PTPRT: variants seen among roughly 807,000 people sequenced by gnomAD.
PTPRT encodes the protein protein tyrosine phosphatase receptor type T.
PTPRT carries 56 observed loss-of-function variants against 176.8 expected under a neutral mutation model. The observed-to-expected ratio is 0.32, with a 90% CI of 0.26 to 0.40. The LOEUF is 0.40. Among genes scored for constraint, PTPRT ranks in the 10% least tolerant of loss-of-function variants. The pLI is 1.00. For missense variants in PTPRT, 1,540 were observed against 1,908.2 expected, an observed-to-expected ratio of 0.81 and a Z score of 3.60; for synonymous variants, 783 against 739.0, an observed-to-expected ratio of 1.06 and a Z score of -0.96.
intron 2 of PTPRT, among the ~76,000 whole-genome samples, chr20:42,875,194 T>C (rs2078910521): frequency 6.6e-6 from 1 of 152,250 alleles, no homozygotes; most frequent in Admixed American, 6.5e-5. Context: ...TTTTCCCATT[T>C]ATCTGGCAGC....
intron 7 of PTPRT, among the ~76,000 whole-genome samples, chr20:42,609,161 C>G (rs2073932216): frequency 6.6e-6 from 1 of 152,134 alleles, no homozygotes; most frequent in Admixed American, 6.5e-5. Context: ...GCAACCTCCA[C>G]CTCCTGGGTT....
intron 1 of PTPRT, among the ~76,000 whole-genome samples, chr20:42,899,476 C>G (rs771442063): frequency 1.9e-4 from 29 of 152,334 alleles, no homozygotes; most frequent in Non-Finnish European, 3.8e-4. Context: ...TGGGCATCTT[C>G]CACATCAAAA....
At chr20:42,351,862 T>C (rs1031272563) in intron 10 of PTPRT, among the ~76,000 whole-genome samples, 2 of 152,246 alleles carry the variant, frequency 1.3e-5, no homozygotes, top group Non-Finnish European at 2.9e-5. Context: ...GGGAAAATTA[T>C]TTAGTGGCTT....
At chr20:43,005,915 C>T (rs1349132329) in intron 1 of PTPRT, among the ~76,000 whole-genome samples, 5 of 152,108 alleles carry the variant, frequency 3.3e-5, no homozygotes, top group Admixed American at 3.3e-4. Flanking sequence ...CCAGACACAA[C>T]CTACAAGCCC....
At chr20:42,873,609 T>G (rs1426992956) in intron 2 of PTPRT, among the ~76,000 whole-genome samples, 5 of 152,248 alleles carry the variant, frequency 3.3e-5, no homozygotes, top group Non-Finnish European at 2.9e-5. Context: ...TCTAACCCAA[T>G]ACATCTAAAA....
intron 7 of PTPRT, among the ~76,000 whole-genome samples, chr20:42,473,682 C>T (rs925044245): frequency 6.6e-6 from 1 of 152,006 alleles, no homozygotes; most frequent in Non-Finnish European, 1.5e-5. Context: ...TCTATGTTGC[C>T]CAGGCTGGTC....
In PTPRT at chr20:42,475,461, G is replaced by T. The variant is rs115671804; in HGVS notation, c.1154-2899C>A. 5.4e-3 allele frequency among the ~76,000 whole-genome samples: 824 copies of T among 152,348 alleles called. 6 individuals are homozygous for T. Among genetic ancestry groups the T allele is most frequent in the African/African-American group, 0.018 (729 of 41,588 alleles). On this transcript the variant is annotated intron_variant, in intron 7 of 30. Coordinates refer to ENST00000373187, the MANE Select transcript of PTPRT (RefSeq NM_007050.6). Reference sequence around the variant, plus strand: ...AAAATAATTGGCCTAAAGCCACAGAGTGAGAGGCACAGCCAAGATATGAGG... The same window carrying T: ...AAAATAATTGGCCTAAAGCCACAGATTGAGAGGCACAGCCAAGATATGAGG...
intron 27 of PTPRT, 134 bp from the exon 28 acceptor site, chr20:42,085,987 G>T (rs772265544): frequency 1.7e-5 from 19 of 1,139,206 alleles, no homozygotes; most frequent in Non-Finnish European, 2.1e-5. Flanking sequence ...CACTCTTGTT[G>T]CCCAGCCTGG....
intron 16 of PTPRT, among the ~76,000 whole-genome samples, chr20:42,176,993 G>T (rs1029591273): frequency 3.3e-5 from 5 of 152,236 alleles, no homozygotes; most frequent in African/African-American, 1.2e-4. Context: ...ACAATGGAAA[G>T]AACACAGTTT....
chr20:42,761,505 G>GA (rs2076915747), intron 5 of PTPRT, among the ~76,000 whole-genome samples: 1 of 152,102 alleles, frequency 6.6e-6, no homozygotes, highest in Non-Finnish European at 1.5e-5. Context: ...CAGACCTAAT[G>GA]AATCAGGAAC....
chr20:42,702,236 T>C (rs926481), intron 6 of PTPRT, among the ~76,000 whole-genome samples: 16,051 of 152,218 alleles, frequency 0.11, 937 homozygotes, highest in Admixed American at 0.13. Context: ...TGTATCATGA[T>C]GGGCCTATTC....
chr20:43,004,004 G>C (rs1984724334), intron 1 of PTPRT, among the ~76,000 whole-genome samples: 1 of 152,258 alleles, frequency 6.6e-6, no homozygotes, highest in South Asian at 2.1e-4. Flanking sequence ...AATTTATTAA[G>C]AGAAAAGAAG....
intron 3 of PTPRT, among the ~76,000 whole-genome samples, chr20:42,781,614 C>T (rs1468831096): frequency 6.6e-6 from 1 of 152,154 alleles, no homozygotes; most frequent in Non-Finnish European, 1.5e-5. Flanking sequence ...AACTACCCTT[C>T]AGCAGCAGGT....
At chr20:43,059,114 G>C (rs145597849) in intron 1 of PTPRT, among the ~76,000 whole-genome samples, 1 of 152,216 alleles carries the variant, frequency 6.6e-6, no homozygotes, top group Admixed American at 6.5e-5. Flanking sequence ...GACGATCTCA[G>C]AATCAACTTT....
intron 5 of PTPRT, among the ~76,000 whole-genome samples, chr20:42,756,917 G>T (rs1436330343): frequency 6.6e-5 from 10 of 152,006 alleles, no homozygotes; most frequent in Non-Finnish European, 1.5e-4. Flanking sequence ...CAGGCATGGT[G>T]GCACTCATCT....
chr20:42,555,632 C>T (rs2145630441), intron 7 of PTPRT, among the ~76,000 whole-genome samples: 1 of 152,282 alleles, frequency 6.6e-6, no homozygotes, highest in South Asian at 2.1e-4. Context: ...TATAGTCCTT[C>T]CCCGCTGGCT....
chr20:42,920,098 G>C (rs1308227916), intron 1 of PTPRT, among the ~76,000 whole-genome samples: 4 of 152,190 alleles, frequency 2.6e-5, no homozygotes, highest in Non-Finnish European at 4.4e-5. Flanking sequence ...AAGCTCTTTG[G>C]CTGTCCCTAT....
intron 1 of PTPRT, among the ~76,000 whole-genome samples, chr20:43,165,270 T>C (rs1360437339): frequency 6.6e-6 from 1 of 152,012 alleles, no homozygotes; most frequent in African/African-American, 2.4e-5. Flanking sequence ...GTGATTCTCC[T>C]GCCTCAGCCT....
chr20:42,316,485 C>G (rs2057723432), intron 11 of PTPRT, among the ~76,000 whole-genome samples: 1 of 152,224 alleles, frequency 6.6e-6, no homozygotes, highest in Non-Finnish European at 1.5e-5. Flanking sequence ...TACCCAGATT[C>G]AACTAGTCTC....
Sources: gnomAD v4.1 joint callset for allele counts (sites outside exome capture counted in the v4.1 genomes callset) on GRCh38, gnomAD v4.1.1 for gene constraint, MANE v1.5 for transcripts, NCBI Gene and HGNC (gene_info 2026-07-23, HGNC 2026-07-21) for gene names.